The following MDN1 variants were observed in gnomAD, a reference collection of about 807,000 sequenced individuals.
MDN1 encodes the protein midasin.
In MDN1, 266 loss-of-function variants were observed where a neutral mutation model predicts 669.2. The observed-to-expected ratio is 0.40, with a 90% confidence interval of 0.36 to 0.44. The LOEUF is 0.44. MDN1 is among the 20% of genes least tolerant of loss of function. The pLI, the probability that MDN1 is intolerant of heterozygous loss-of-function variation, is 1.00. For missense variants in MDN1, 5,940 were observed against 6,754.0 expected (o/e 0.88, Z 4.22); for synonymous variants, 2,385 against 2,457.1 (o/e 0.97, Z 0.87).
chr6:89,673,546 A>G, intron 79 of MDN1, 84 bp from the exon 80 acceptor site: 3 of 1,211,596 alleles, frequency 2.5e-6, no homozygotes, highest in Non-Finnish European at 3.6e-6. Context: ...ACTACAAGAT[A>G]TGCAAGGTAG....
intron 27 of MDN1, among the ~76,000 whole-genome samples, chr6:89,745,896 A>T: frequency 6.6e-6 from 1 of 152,256 alleles, no homozygotes; most frequent in East Asian, 1.9e-4. Context: ...TAACTAAAAA[A>T]TTAAAATGAT....
At chr6:89,692,380 C>G in intron 63 of MDN1, 63 bp downstream of exon 63, 1 of 1,469,146 alleles carries the variant, frequency 6.8e-7, no homozygotes, top group Non-Finnish European at 9.2e-7. Flanking sequence ...TGCAGGCCGC[C>G]CTGCTGTGAA....
chr6:89,794,603 G>A lies in MDN1; in HGVS notation c.528C>T (p.Leu176=). The change falls in exon 3 of 102, where the codon CTC becomes CTT. Residue 176 remains leucine, a synonymous_variant. Coordinates refer to ENST00000369393, the MANE Select transcript of MDN1 (RefSeq NM_014611.3). ...LWDWSVCVPL[L]RSHDTLVRWY... ...AGCGAACCAAGGTGTCATGGCTTCT[G>A]AGGAGAGGGACACACACACTCCAGT... 6.2e-7 allele frequency: 1 copy of A among 1,613,326 alleles called. No homozygotes were observed. Among genetic ancestry groups the A allele is most frequent in the Non-Finnish European group, 8.5e-7 (1 of 1,180,014 alleles).
chr6:89,800,803 T>G (rs1224293225), intron 2 of MDN1, among the ~76,000 whole-genome samples: 4 of 152,094 alleles, frequency 2.6e-5, no homozygotes, highest in Non-Finnish European at 4.4e-5. Flanking sequence ...GATGAGATAC[T>G]CTTGTGGGAC....
At chr6:89,740,501 A>G (rs1370645962) in intron 31 of MDN1, 123 bp from the exon 32 acceptor site, 1 of 914,240 alleles carries the variant, frequency 1.1e-6, no homozygotes, top group Non-Finnish European at 1.5e-6. Context: ...ACTTTAGTTA[A>G]TGGTTTCCTA....
In MDN1 at chr6:89,692,852, TAGA is replaced by T; in HGVS notation, c.10175_10177del (p.Phe3392del). 6.2e-7 allele frequency: 1 copy of T among 1,614,224 alleles called. No homozygotes were observed. The highest frequency in any genetic ancestry group is 8.5e-7 in the Non-Finnish European group (1 of 1,180,036). On this transcript the variant is annotated inframe_deletion, in exon 63 of 102. Transcript: ENST00000369393. ...CTGCAGTGGGCTCACGGCATCTGGA[TAGA>T]AGGTGTACTCCTCTGACAGCCGCTT... is the stretch of plus-strand genomic sequence containing the variant.
intron 17 of MDN1, among the ~76,000 whole-genome samples, chr6:89,760,999 AAATAC>A (rs1817514637): frequency 6.6e-6 from 1 of 152,122 alleles, no homozygotes; most frequent in Non-Finnish European, 1.5e-5. Flanking sequence ...TCTCTACTAA[AAATAC>A]AAAAACAAAA....
At chr6:89,686,058 C>G in intron 69 of MDN1, 85 bp from the exon 70 acceptor site, 2 of 1,328,812 alleles carry the variant, frequency 1.5e-6, no homozygotes, top group Non-Finnish European at 2.1e-6. Flanking sequence ...ATTTGGGATA[C>G]TACGGATGGC....
intron 55 of MDN1, among the ~76,000 whole-genome samples, 171 bp from the exon 56 acceptor site, chr6:89,701,027 ACT>A (rs1285611549): frequency 6.6e-6 from 1 of 152,198 alleles, no homozygotes; most frequent in African/African-American, 2.4e-5. Context: ...AATAAAGTTA[ACT>A]CTCTACCCAG....
At position 89,723,696 on chromosome 6, in the gene MDN1, T is replaced by C. The variant is rs192394629; in HGVS notation, c.5671-77A>G. 580 of 751,456 alleles carry C rather than the reference T, an allele frequency of 7.7e-4. 1 individual carries two copies. The African/African-American group carries it at 9.6e-3, about 12-fold the overall frequency. The allele number at this position is 751,456 out of a possible 1,614,324, so 46.5% of individuals were successfully genotyped here. A position where few individuals can be genotyped will look rare whatever the true frequency, so the allele number is the denominator to read the frequency against. ...CACTAGAAATGACTACCATGTCTTATTATGCAAAATCTTTAATACCAAGTA... is the reference window on the plus strand; with the variant it reads ...CACTAGAAATGACTACCATGTCTTACTATGCAAAATCTTTAATACCAAGTA... On this transcript the variant is annotated intron_variant, in intron 38 of 101. Transcript: ENST00000369393.
chr6:89,786,318 A>G (rs1232153458), intron 8 of MDN1, among the ~76,000 whole-genome samples: 1 of 152,084 alleles, frequency 6.6e-6, no homozygotes, highest in African/African-American at 2.4e-5. Context: ...AGTGCCAGGT[A>G]CAGTGGCTCA....
intron 15 of MDN1, among the ~76,000 whole-genome samples, chr6:89,763,604 A>G (rs80094138): frequency 1.7e-3 from 261 of 152,332 alleles, no homozygotes; most frequent in African/African-American, 5.9e-3. Flanking sequence ...CCAATTTTGT[A>G]TGGCATACCA....
At chr6:89,716,935 A>C in intron 43 of MDN1, 126 bp from the exon 44 acceptor site, 1 of 1,093,680 alleles carries the variant, frequency 9.1e-7, no homozygotes, top group Admixed American at 3.3e-5. Context: ...AATAAATAGA[A>C]GAATGTTTTG....
At chr6:89,716,609 A>G (rs760221777) in intron 44 of MDN1, 41 bp downstream of exon 44, 3 of 1,566,652 alleles carry the variant, frequency 1.9e-6, no homozygotes, top group African/African-American at 1.4e-5. Flanking sequence ...AGCATATCCC[A>G]AATTTCAAGT....
In MDN1 at chr6:89,819,578, G is replaced by C. The variant is rs760062664; in HGVS notation, c.30C>G (p.Ala10=). Residue 10 remains alanine, a synonymous_variant, in exon 1 of 102, where the codon GCC becomes GCG. Coordinates refer to ENST00000369393, the MANE Select transcript of MDN1 (RefSeq NM_014611.3). ...TGGCTGCGATTAACCGCAGCGGCGC[G>C]GCTGCCACCTCCAGCAAGAAGTGCT... MEHFLLEVA[A]APLRLIAAKN... 5 of 1,602,710 alleles carry C rather than the reference G, an allele frequency of 3.1e-6. No individual in the cohort carries two copies. Among genetic ancestry groups the C allele is most frequent in the Non-Finnish European group, 4.2e-6 (5 of 1,179,966 alleles).
At chr6:89,656,544 C>T (rs1425247931) in intron 91 of MDN1, among the ~76,000 whole-genome samples, 156 bp downstream of exon 91, 2 of 151,304 alleles carry the variant, frequency 1.3e-5, no homozygotes, top group Non-Finnish European at 1.5e-5. Flanking sequence ...ACCCCATGGT[C>T]GTGGTCTGCT....
intron 82 of MDN1, 133 bp downstream of exon 82, chr6:89,672,065 AAG>A (rs1292585723): frequency 1.4e-5 from 12 of 874,994 alleles, no homozygotes; most frequent in Non-Finnish European, 1.8e-5. Context: ...CGTATAAATA[AAG>A]AGACCAAGTT....
chr6:89,704,887 A>G (rs116732657), intron 53 of MDN1, among the ~76,000 whole-genome samples: 1,735 of 152,304 alleles, frequency 0.011, 28 homozygotes, highest in African/African-American at 0.04. Context: ...GCCGTGGCCA[A>G]TGAATTTTAA....
chr6:89,661,131 C>T (rs1229049137), intron 88 of MDN1, among the ~76,000 whole-genome samples: 2 of 152,198 alleles, frequency 1.3e-5, no homozygotes, highest in African/African-American at 4.8e-5. Context: ...AGATGGGATA[C>T]ACAGTAATGG....
Sources: gnomAD v4.1 joint callset for allele counts (sites outside exome capture counted in the v4.1 genomes callset) on GRCh38, gnomAD v4.1.1 for gene constraint, MANE v1.5 for transcripts, NCBI Gene and HGNC (gene_info 2026-07-23, HGNC 2026-07-21) for gene names.